Variants in GRIN2A observed in about 807,000 individuals in gnomAD.
GRIN2A encodes the protein glutamate receptor ionotropic, NMDA 2A.
In GRIN2A, 22 loss-of-function variants were observed where a neutral mutation model predicts 113.4. The observed-to-expected ratio is 0.19, with a 90% CI of 0.14 to 0.28. GRIN2A has a LOEUF of 0.28. Ranked by LOEUF, GRIN2A falls within the 10% of genes least tolerant of loss-of-function variation. GRIN2A has a pLI of 1.00. For synonymous variants in GRIN2A, 827 were observed against 738.4 expected (o/e 1.12, Z -1.94); for missense variants, 1,502 against 1,887.0 (o/e 0.80, Z 3.78).
chr16:10,076,299 G>C (rs2047871358), intron 2 of GRIN2A, among the ~76,000 whole-genome samples: 1 of 152,098 alleles, frequency 6.6e-6, no homozygotes, highest in Non-Finnish European at 1.5e-5. Context: ...GGATCCAGTG[G>C]GCCTTGACCC....
intron 4 of GRIN2A, among the ~76,000 whole-genome samples, chr16:9,862,182 C>A (rs1596510538): frequency 6.6e-6 from 1 of 152,210 alleles, no homozygotes; most frequent in African/African-American, 2.4e-5. Context: ...AATCTTTCTT[C>A]TTGGGTTACT....
chr16:9,984,416 T>C (rs2045944793), intron 2 of GRIN2A, among the ~76,000 whole-genome samples: 1 of 152,234 alleles, frequency 6.6e-6, no homozygotes, highest in Non-Finnish European at 1.5e-5. Flanking sequence ...GTCTTCTCTA[T>C]AAAAATCTTT....
At chr16:10,163,185 G>A (rs1395778964) in intron 2 of GRIN2A, among the ~76,000 whole-genome samples, 3 of 152,150 alleles carry the variant, frequency 2.0e-5, no homozygotes, top group African/African-American at 4.8e-5. Context: ...GGGAGTGGGC[G>A]GTGGCATGGA....
rs573578004 is a variant in GRIN2A at position 9,905,657 on chromosome 16, G to A, written c.1008-14557C>T. 3.3e-5 allele frequency among the ~76,000 whole-genome samples: 5 copies of A among 152,302 alleles called. No individual in the cohort carries two copies. The South Asian group carries it at 1.0e-3, about 32-fold the overall frequency. On this transcript the variant is annotated intron_variant, in intron 3 of 12. Coordinates refer to ENST00000330684, the MANE Select transcript of GRIN2A (RefSeq NM_001134407.3). Reference sequence around the variant, plus strand: ...CATCCCTTCTGGGGCAGAGCGATGTGCCTATGGATATACAATAAGCCCGGA... The same window carrying A: ...CATCCCTTCTGGGGCAGAGCGATGTACCTATGGATATACAATAAGCCCGGA...
chr16:9,914,792 G>T (rs965172503), intron 3 of GRIN2A, among the ~76,000 whole-genome samples: 1 of 150,990 alleles, frequency 6.6e-6, no homozygotes, highest in African/African-American at 2.4e-5. Context: ...TCAACTGAAA[G>T]CTGAAGCATT....
At chr16:9,843,484 C>T (rs2042718890) in intron 5 of GRIN2A, among the ~76,000 whole-genome samples, 1 of 152,162 alleles carries the variant, frequency 6.6e-6, no homozygotes, top group African/African-American at 2.4e-5. Context: ...TGTGCGACAC[C>T]ATACTCAAGC....
chr16:9,852,812 T>C (rs547198183), intron 4 of GRIN2A, among the ~76,000 whole-genome samples: 1 of 152,338 alleles, frequency 6.6e-6, no homozygotes, highest in East Asian at 1.9e-4. Context: ...GGACTATAAC[T>C]GAGGCCAGTG....
chr16:10,074,523 G>A (rs138488324), intron 2 of GRIN2A, among the ~76,000 whole-genome samples: 262 of 152,276 alleles, frequency 1.7e-3, no homozygotes, highest in African/African-American at 4.9e-3. Flanking sequence ...ATATGATATG[G>A]CCATTCAATG....
chr16:10,134,398 G>A (rs16957019), intron 2 of GRIN2A, among the ~76,000 whole-genome samples: 5,931 of 150,754 alleles, frequency 0.039, 261 homozygotes, highest in African/African-American at 0.1. Context: ...TAGAATTTGG[G>A]GAGTATATCA....
At chr16:10,019,454 A>C (rs1434011742) in intron 2 of GRIN2A, among the ~76,000 whole-genome samples, 1 of 152,244 alleles carries the variant, frequency 6.6e-6, no homozygotes, top group African/African-American at 2.4e-5. Flanking sequence ...TTAATCTGTA[A>C]GCATTTCAAA....
chr16:9,866,149 A>T (rs2043156988), intron 4 of GRIN2A, among the ~76,000 whole-genome samples: 1 of 152,236 alleles, frequency 6.6e-6, no homozygotes, highest in African/African-American at 2.4e-5. Flanking sequence ...ATAAAATACA[A>T]TGCCCTCTGA....
intron 2 of GRIN2A, among the ~76,000 whole-genome samples, chr16:10,085,608 G>A (rs2142067012): frequency 6.6e-6 from 1 of 152,276 alleles, no homozygotes; most frequent in East Asian, 1.9e-4. Context: ...GGTTGGCCGT[G>A]TCAAACCTGT....
At chr16:9,773,253 T>C (rs895241597) in intron 11 of GRIN2A, among the ~76,000 whole-genome samples, 4 of 152,188 alleles carry the variant, frequency 2.6e-5, no homozygotes, top group African/African-American at 7.2e-5. Flanking sequence ...TTCAAATCTG[T>C]TTAGTGAGTT....
At chr16:9,888,654 C>T (rs1029928) in intron 4 of GRIN2A, among the ~76,000 whole-genome samples, 5,018 of 151,288 alleles carry the variant, frequency 0.033, 298 homozygotes, top group African/African-American at 0.11. Flanking sequence ...TTTTATGCAC[C>T]GTAGTCTAAC....
intron 9 of GRIN2A, among the ~76,000 whole-genome samples, chr16:9,827,770 G>A (rs1366887562): frequency 6.6e-6 from 1 of 152,188 alleles, no homozygotes; most frequent in Non-Finnish European, 1.5e-5. Flanking sequence ...GGTATGCACA[G>A]TGTCCAGTAT....
intron 3 of GRIN2A, among the ~76,000 whole-genome samples, chr16:9,902,790 C>T (rs1437606677): frequency 6.6e-6 from 1 of 151,954 alleles, no homozygotes; most frequent in East Asian, 1.9e-4. Context: ...GTCCTAACCC[C>T]ATCTCTTAGT....
chr16:10,013,494 C>T lies in GRIN2A; in HGVS notation c.415-74943G>A, dbSNP rs572956994. 9.2e-5 allele frequency among the ~76,000 whole-genome samples: 14 copies of T among 152,338 alleles called. No individual in the cohort carries two copies. In the East Asian group the frequency reaches 1.7e-3, roughly 19 times the overall value. On this transcript the variant is annotated intron_variant, in intron 2 of 12. Transcript: ENST00000330684. Reference sequence around the variant, plus strand: ...TGCCCACAGGTCCTACTCTTCCCTGCGGGACAGTAACTAGTGGCTCTTGTT... The same window carrying T: ...TGCCCACAGGTCCTACTCTTCCCTGTGGGACAGTAACTAGTGGCTCTTGTT...
chr16:10,036,437 C>CTTTTTTTT (rs1360199200), intron 2 of GRIN2A, among the ~76,000 whole-genome samples: 2 of 92,670 alleles, frequency 2.2e-5, no homozygotes, highest in Non-Finnish European at 4.5e-5. Flanking sequence ...TTAGTACTTA[C>CTTTTTTTT]TTTTTTTTTT....
chr16:10,135,932 GTT>G (rs2049182351), intron 2 of GRIN2A, among the ~76,000 whole-genome samples: 1 of 152,148 alleles, frequency 6.6e-6, no homozygotes, highest in African/African-American at 2.4e-5. Context: ...CCCCATCCAA[GTT>G]GACACAGAAC....
Sources: gnomAD v4.1 joint callset for allele counts (sites outside exome capture counted in the v4.1 genomes callset) on GRCh38, gnomAD v4.1.1 for gene constraint, MANE v1.5 for transcripts, NCBI Gene and HGNC (gene_info 2026-07-23, HGNC 2026-07-21) for gene names.